Variants in CLEC16A observed in about 807,000 individuals in gnomAD.
The protein encoded by CLEC16A is C-type lectin domain containing 16A.
CLEC16A carries 51 observed loss-of-function variants against 109.5 expected under a neutral mutation model. The observed-to-expected ratio is 0.47, with a 90% CI of 0.37 to 0.59. CLEC16A has a LOEUF of 0.59. Among genes scored for constraint, CLEC16A ranks in the 20% least tolerant of loss-of-function variants. CLEC16A has a pLI of 0.00. For synonymous variants in CLEC16A, 673 were observed against 564.2 expected (o/e 1.19, Z -2.73); for missense variants, 1,339 against 1,394.0 (o/e 0.96, Z 0.63).
At chr16:11,168,875 C>T (rs906582850) in intron 23 of CLEC16A, among the ~76,000 whole-genome samples, 11 of 152,238 alleles carry the variant, frequency 7.2e-5, no homozygotes, top group African/African-American at 2.7e-4. Context: ...TTGACATTGG[C>T]TCAGAGTGCG....
At chr16:11,136,284 T>C (rs1316890784) in intron 22 of CLEC16A, 1 of 152,248 alleles carries the variant, frequency 6.6e-6, no homozygotes, top group African/African-American at 2.4e-5. Context: ...ACTGTACTCT[T>C]ACTAATGGCT....
intron 23 of CLEC16A, among the ~76,000 whole-genome samples, chr16:11,169,999 T>G (rs16958108): frequency 0.13 from 19,507 of 152,210 alleles, 1,299 homozygotes; most frequent in South Asian, 0.24. Flanking sequence ...GCTGTGCAAC[T>G]TGGCCCAGAG....
At position 10,976,806 on chromosome 16, in the gene CLEC16A, G is replaced by A. The variant is rs142252835; in HGVS notation, c.729-419G>A. On this transcript the variant is annotated intron_variant, in intron 7 of 23. Coordinates refer to ENST00000409790, the MANE Select transcript of CLEC16A (RefSeq NM_015226.3). ...TGTCTTTGCTCTATGTCTGCATGTCGTCAGGGCCACTGGGGTGGCCACGGC... is the reference window on the plus strand; with the variant it reads ...TGTCTTTGCTCTATGTCTGCATGTCATCAGGGCCACTGGGGTGGCCACGGC... Among the ~76,000 whole-genome samples the A allele has an allele frequency of 5.9e-5, 9 of 152,246 alleles. No individual in the cohort carries two copies. The East Asian group carries it at 1.2e-3, about 20-fold the overall frequency.
chr16:11,173,471 C>G (rs1045707485), intron 23 of CLEC16A, among the ~76,000 whole-genome samples: 1 of 133,868 alleles, frequency 7.5e-6, no homozygotes, highest in Non-Finnish European at 1.6e-5. Context: ...GGTCTCCGCT[C>G]TCCTGCTGTG....
intron 13 of CLEC16A, among the ~76,000 whole-genome samples, chr16:11,031,908 A>G (rs2152829994): frequency 6.6e-6 from 1 of 152,336 alleles, no homozygotes; most frequent in African/African-American, 2.4e-5. Context: ...TCATGTAATT[A>G]GTTATTCAGC....
At chr16:11,093,649 G>A (rs1410566462) in intron 19 of CLEC16A, among the ~76,000 whole-genome samples, 1 of 152,202 alleles carries the variant, frequency 6.6e-6, no homozygotes, top group Non-Finnish European at 1.5e-5. Flanking sequence ...CGCCGAGGGT[G>A]GGCAGATGCA....
intron 19 of CLEC16A, among the ~76,000 whole-genome samples, chr16:11,077,471 C>CA (rs562378755): frequency 0.18 from 10,887 of 60,810 alleles, 1,308 homozygotes; most frequent in African/African-American, 0.35. Flanking sequence ...GACTCTGTCT[C>CA]AAAAAAAAAA....
At chr16:11,156,407 C>T (rs1485200501) in intron 22 of CLEC16A, among the ~76,000 whole-genome samples, 1 of 151,888 alleles carries the variant, frequency 6.6e-6, no homozygotes, top group African/African-American at 2.4e-5. Context: ...TCTGCCACTC[C>T]TTGGCCAGCC....
At chr16:11,059,752 G>A (rs1024175967) in intron 18 of CLEC16A, among the ~76,000 whole-genome samples, 1 of 152,164 alleles carries the variant, frequency 6.6e-6, no homozygotes, top group Non-Finnish European at 1.5e-5. Flanking sequence ...TGTGCTGGCT[G>A]CTTTCCCTCC....
chr16:11,011,247 A>G (rs1229510275), intron 11 of CLEC16A, among the ~76,000 whole-genome samples: 5 of 152,226 alleles, frequency 3.3e-5, no homozygotes, highest in Non-Finnish European at 7.3e-5. Flanking sequence ...GGGCAGGAAA[A>G]GATGATTTTC....
At chr16:11,147,161 A>T (rs548612795) in intron 22 of CLEC16A, among the ~76,000 whole-genome samples, 1 of 152,232 alleles carries the variant, frequency 6.6e-6, no homozygotes, top group East Asian at 1.9e-4. Flanking sequence ...CAAGGAATGA[A>T]TATGTTGCTG....
At chr16:11,115,034 T>G (rs2051879815) in intron 19 of CLEC16A, among the ~76,000 whole-genome samples, 2 of 152,232 alleles carry the variant, frequency 1.3e-5, no homozygotes, top group Non-Finnish European at 2.9e-5. Context: ...TTATCCTTCC[T>G]TTTTTGTTCT....
chr16:11,114,817 G>A (rs190015453), intron 19 of CLEC16A, among the ~76,000 whole-genome samples: 5 of 152,242 alleles, frequency 3.3e-5, no homozygotes, highest in East Asian at 1.9e-4. Flanking sequence ...TCTCCCTTGC[G>A]GATAGCATTT....
chr16:11,083,302 A>G (rs376933422), intron 19 of CLEC16A, among the ~76,000 whole-genome samples: 1 of 152,106 alleles, frequency 6.6e-6, no homozygotes, highest in Non-Finnish European at 1.5e-5. Context: ...AGCTGGGCCT[A>G]TAGGTGGACA....
chr16:10,983,056 T>A, intron 10 of CLEC16A, 65 bp downstream of exon 10: 1 of 915,746 alleles, frequency 1.1e-6, no homozygotes, highest in Non-Finnish European at 1.8e-6. Flanking sequence ...AATCTGTGTG[T>A]TTCTCTAAAA....
At chr16:10,944,967 C>T (rs3743976) in intron 1 of CLEC16A, among the ~76,000 whole-genome samples, 170 bp downstream of exon 1, 25,258 of 152,194 alleles carry the variant, frequency 0.17, 2,635 homozygotes, top group Middle Eastern at 0.23. Flanking sequence ...GGGTTCGAAC[C>T]CTGACCCCGT....
intron 19 of CLEC16A, among the ~76,000 whole-genome samples, chr16:11,115,578 G>T (rs1419315032): frequency 1.3e-5 from 2 of 152,142 alleles, no homozygotes; most frequent in Non-Finnish European, 2.9e-5. Flanking sequence ...TTGCCATGTT[G>T]CACAGGCCGG....
chr16:11,049,482 G>GTT (rs1200993006), intron 17 of CLEC16A, among the ~76,000 whole-genome samples: 1 of 151,156 alleles, frequency 6.6e-6, no homozygotes, highest in Admixed American at 6.6e-5. Context: ...AGGTTTTTTT[G>GTT]TTTGTTTGTT....
At chr16:11,162,239 G>A (rs187478643) in intron 22 of CLEC16A, among the ~76,000 whole-genome samples, 1 of 152,240 alleles carries the variant, frequency 6.6e-6, no homozygotes, top group Non-Finnish European at 1.5e-5. Flanking sequence ...GGGCTCCTGG[G>A]AAGTGGGGGA....
Sources: allele counts gnomAD v4.1 joint callset (sites outside exome capture counted in the v4.1 genomes callset), GRCh38; gene constraint gnomAD v4.1.1; transcripts MANE v1.5; gene names NCBI Gene and HGNC (gene_info 2026-07-23, HGNC 2026-07-21).